The following DMD variants were observed in gnomAD, a reference collection of about 807,000 sequenced individuals.
DMD encodes the protein mutant dystrophin.
In DMD, 63 loss-of-function variants were observed where a neutral mutation model predicts 330.1. The ratio of observed to expected loss-of-function variants is 0.19; its 90% CI spans 0.16 to 0.24. The LOEUF (loss-of-function observed/expected upper bound fraction) is 0.24. DMD is among the 10% of genes least tolerant of loss of function. The pLI, the probability that DMD is intolerant of heterozygous loss-of-function variation, is 1.00. For missense variants in DMD, 3,344 were observed against 2,684.1 expected, an observed-to-expected ratio of 1.25 and a Z score of -5.43; for synonymous variants, 1,223 against 959.8, an observed-to-expected ratio of 1.27 and a Z score of -5.07.
intron 9 of DMD, among the ~76,000 whole-genome samples, chrX:32,658,109 G>A (rs1239840877): frequency 9.0e-6 from 1 of 111,428 alleles, no homozygotes; most frequent in Non-Finnish European, 1.9e-5. Context: ...TTAATTGTGA[G>A]CTATGAGGAG....
At chrX:31,138,872 A>G (rs2035678889) in intron 76 of DMD, among the ~76,000 whole-genome samples, 1 of 111,534 alleles carries the variant, frequency 9.0e-6, no homozygotes, top group Non-Finnish European at 1.9e-5. Context: ...AAACCATATT[A>G]ATAGGCAACC....
At chrX:32,882,268 T>C (rs922814449) in intron 2 of DMD, among the ~76,000 whole-genome samples, 3 of 111,707 alleles carry the variant, frequency 2.7e-5, no homozygotes, top group Non-Finnish European at 3.8e-5. Context: ...TTAGTAATTC[T>C]AACCTTTTGT....
chrX:32,768,993 T>TA (rs2073305444), intron 7 of DMD, among the ~76,000 whole-genome samples: 1 of 111,945 alleles, frequency 8.9e-6, no homozygotes, highest in Admixed American at 9.5e-5. Flanking sequence ...ACAAGGCTTC[T>TA]AAGAAGTCAC....
chrX:31,161,686 G>C, intron 74 of DMD, among the ~76,000 whole-genome samples: 1 of 111,349 alleles, frequency 9.0e-6, no homozygotes, highest in Non-Finnish European at 1.9e-5. Context: ...GACATCCTTA[G>C]TTAAGAACCT....
chrX:32,767,626 A>T (rs1161718599), intron 7 of DMD, among the ~76,000 whole-genome samples: 1 of 111,826 alleles, frequency 8.9e-6, no homozygotes, highest in East Asian at 2.8e-4. Context: ...GTGTTTGATC[A>T]GGAACAAAGC....
intron 7 of DMD, among the ~76,000 whole-genome samples, chrX:32,725,407 C>T (rs112725720): frequency 6.3e-4 from 69 of 110,235 alleles, no homozygotes; most frequent in African/African-American, 2.1e-3. Flanking sequence ...CTTTAATGAC[C>T]GCCTATAAAG....
chrX:31,478,181 C>T lies in DMD; in HGVS notation c.8862G>A (p.Glu2954=), dbSNP rs1384583953. 1 of 1,211,287 alleles carries T rather than the reference C, an allele frequency of 8.3e-7. No individual in the cohort carries two copies. Among genetic ancestry groups the T allele is most frequent in the Middle Eastern group, 2.3e-4 (1 of 4,353 alleles). The change falls in exon 59 of 79, where the codon GAG becomes GAA. Residue 2954 remains glutamate (E), a synonymous_variant. Transcript: ENST00000357033. The part of the protein sequence containing the change: ...DELDLKLRQA[E]VIKGSWQPVG... ...CGGGCTGCCAGGATCCCTTGATCAC[C>T]TCAGCTTGGCGCAGCTTGAGGTCCA...
chrX:31,603,253 T>C (rs142267081), intron 55 of DMD, among the ~76,000 whole-genome samples: 1 of 111,272 alleles, frequency 9.0e-6, no homozygotes, highest in African/African-American at 3.3e-5. Flanking sequence ...AAATCAATAT[T>C]GTTGTTATTA....
At chrX:32,461,066 G>T (rs769035607) in intron 25 of DMD, among the ~76,000 whole-genome samples, 1 of 111,294 alleles carries the variant, frequency 9.0e-6, no homozygotes, top group South Asian at 3.7e-4. Context: ...TAGATCATGG[G>T]ATGTGAAAGC....
intron 54 of DMD, among the ~76,000 whole-genome samples, chrX:31,632,443 A>T (rs938771456): frequency 8.9e-6 from 1 of 111,878 alleles, no homozygotes; most frequent in Non-Finnish European, 1.9e-5. Context: ...GGTTATTTTT[A>T]AAATGTGATA....
chrX:32,365,611 G>C (rs903109857), intron 34 of DMD, among the ~76,000 whole-genome samples: 1 of 110,994 alleles, frequency 9.0e-6, no homozygotes, highest in African/African-American at 3.3e-5. Flanking sequence ...TTAGTGCCAT[G>C]GATCTTTTTG....
At chrX:31,583,189 A>G (rs2076419609) in intron 55 of DMD, among the ~76,000 whole-genome samples, 1 of 112,277 alleles carries the variant, frequency 8.9e-6, no homozygotes, top group African/African-American at 3.2e-5. Context: ...ATGTCAATGT[A>G]GAATGGCCAA....
chrX:31,563,478 T>C (rs1211567946), intron 55 of DMD, among the ~76,000 whole-genome samples: 1 of 112,362 alleles, frequency 8.9e-6, no homozygotes. Flanking sequence ...AGTTTAATAT[T>C]GGATAAGGCA....
chrX:33,317,698 T>G (rs1028486027), intron 1 of DMD, among the ~76,000 whole-genome samples: 3 of 111,882 alleles, frequency 2.7e-5, no homozygotes, highest in Non-Finnish European at 5.7e-5. Flanking sequence ...AAGCATATTG[T>G]CACTGCAAAA....
chrX:33,010,188 ATGTATATATGCATATGTGTG>A, intron 2 of DMD, among the ~76,000 whole-genome samples: 1 of 66,294 alleles, frequency 1.5e-5, no homozygotes, highest in Non-Finnish European at 3.6e-5. Flanking sequence ...ATATTTGTGT[ATGTATATATGCATATGTGTG>A]TGTATATGTA....
At chrX:32,310,751 T>A (rs2097559327) in intron 41 of DMD, among the ~76,000 whole-genome samples, 1 of 110,714 alleles carries the variant, frequency 9.0e-6, no homozygotes. Flanking sequence ...ATACAACAGA[T>A]ACGAAGTAGT....
intron 47 of DMD, among the ~76,000 whole-genome samples, chrX:31,912,492 T>C (rs1055259942): frequency 8.9e-6 from 1 of 111,848 alleles, no homozygotes; most frequent in Admixed American, 9.5e-5. Context: ...CAAGAGTTCA[T>C]TGAATCCCAA....
chrX:31,468,207 G>C (rs1242473167), intron 59 of DMD, among the ~76,000 whole-genome samples: 1 of 111,770 alleles, frequency 8.9e-6, no homozygotes, highest in Non-Finnish European at 1.9e-5. Flanking sequence ...TCTTCTGCTA[G>C]CTTTGGAATT....
intron 44 of DMD, among the ~76,000 whole-genome samples, chrX:32,199,266 A>C (rs2097021070): frequency 8.9e-6 from 1 of 111,983 alleles, no homozygotes; most frequent in Admixed American, 9.5e-5. Context: ...AGATATTAAT[A>C]ATTAGTAGTT....
Sources: gnomAD v4.1 joint callset for allele counts (sites outside exome capture counted in the v4.1 genomes callset) on GRCh38, gnomAD v4.1.1 for gene constraint, MANE v1.5 for transcripts, NCBI Gene and HGNC (gene_info 2026-07-23, HGNC 2026-07-21) for gene names.